The following SP3 variants were observed in gnomAD, a reference collection of about 807,000 sequenced individuals.
SP3 encodes transcription factor Sp3.
Under a neutral mutation model 70.3 loss-of-function variants are expected in SP3, and 10 were observed. The ratio of observed to expected loss-of-function variants is 0.14; its 90% CI spans 0.09 to 0.24. SP3 has a LOEUF of 0.24. Among genes scored for constraint, SP3 ranks in the 10% least tolerant of loss-of-function variants. The pLI, the probability that SP3 is intolerant of heterozygous loss-of-function variation, is 1.00. For missense variants in SP3, 825 were observed against 914.6 expected, an observed-to-expected ratio of 0.90 and a Z score of 1.26; for synonymous variants, 402 against 333.5, an observed-to-expected ratio of 1.21 and a Z score of -2.24.
At chr2:173,956,279 T>C (rs766667551) in intron 3 of SP3, 47 bp from the exon 4 acceptor site, 1 of 1,514,546 alleles carries the variant, frequency 6.6e-7, no homozygotes, top group African/African-American at 1.4e-5. Flanking sequence ...TATATTTAAA[T>C]CAACCCTCAA....
Position 173,905,646 on chromosome 2 carries a change from A to G in SP3, c.*4295T>C, listed in dbSNP as rs1450475563. Reference sequence around the variant, plus strand: ...TAAAAAATATATTCATATCATGAAGACTTTATAACATCAAATAAAAGCCAA... The same window carrying G: ...TAAAAAATATATTCATATCATGAAGGCTTTATAACATCAAATAAAAGCCAA... On this transcript the variant is annotated 3_prime_UTR_variant, in exon 7 of 7. Coordinates refer to ENST00000310015, the MANE Select transcript of SP3 (RefSeq NM_003111.5). 6.6e-6 allele frequency among the ~76,000 whole-genome samples: 1 copy of G among 152,136 alleles called. No individual in the cohort carries two copies. The highest frequency in any genetic ancestry group is 1.5e-5 in the Non-Finnish European group (1 of 68,014).
intron 4 of SP3, among the ~76,000 whole-genome samples, chr2:173,943,906 T>C (rs1690452752): frequency 6.6e-6 from 1 of 152,250 alleles, no homozygotes; most frequent in African/African-American, 2.4e-5. Context: ...ATCTAGGCTA[T>C]AGGTATAGTC....
intron 1 of SP3, chr2:173,964,793 G>A: frequency 2.3e-6 from 1 of 435,196 alleles, no homozygotes; most frequent in South Asian, 3.9e-5. Context: ...CCTCCTCCCC[G>A]CGCTGCCCCT....
chr2:173,964,507 C>T lies in SP3; in HGVS notation c.54G>A (p.Val18=). The part of the protein sequence containing the change: ...VKQEEMAALD[V]DSGGGGGGGG... Reference sequence around the variant, plus strand: ...CGCCGCCACCGCCGCCGCCGCTATCCACGTCCAAGGCAGCCATTTCCTCTT... The same window carrying T: ...CGCCGCCACCGCCGCCGCCGCTATCTACGTCCAAGGCAGCCATTTCCTCTT... The change falls in exon 2 of 7, where the codon GTG becomes GTA. Residue 18 remains valine, a synonymous_variant. Transcript: ENST00000310015. 1.4e-6 allele frequency: 1 copy of T among 706,538 alleles called. No individual in the cohort carries two copies. Among genetic ancestry groups the T allele is most frequent in the Non-Finnish European group, 2.6e-6 (1 of 381,440 alleles). The allele number at this position is 706,538 out of a possible 1,614,324, so 43.8% of individuals were successfully genotyped here.
intron 4 of SP3, among the ~76,000 whole-genome samples, chr2:173,927,800 A>T (rs1689959537): frequency 6.6e-6 from 1 of 152,226 alleles, no homozygotes; most frequent in African/African-American, 2.4e-5. Context: ...TCAGGGCATC[A>T]GTTATTTAAG....
chr2:173,947,120 G>C (rs1253896640), intron 4 of SP3, among the ~76,000 whole-genome samples: 1 of 152,154 alleles, frequency 6.6e-6, no homozygotes, highest in Non-Finnish European at 1.5e-5. Flanking sequence ...GTTCAAGTCA[G>C]AGATGAACTT....
chr2:173,951,677 T>C (rs1270380189), intron 4 of SP3, among the ~76,000 whole-genome samples: 1 of 152,184 alleles, frequency 6.6e-6, no homozygotes, highest in African/African-American at 2.4e-5. Flanking sequence ...TTTCAGCCAA[T>C]TGTGGGTTTT....
In SP3 at chr2:173,907,919, A is replaced by G. The variant is rs1348143808; in HGVS notation, c.*2022T>C. On this transcript the variant is annotated 3_prime_UTR_variant, in exon 7 of 7. Coordinates refer to ENST00000310015, the MANE Select transcript of SP3 (RefSeq NM_003111.5). ...AAACTGTCCATGTTTATGCGTGTCT[A>G]GAGTTCTCCAATGCAATCAGGTATT... is the stretch of plus-strand genomic sequence containing the variant. 1 of 152,146 alleles carries G rather than the reference A, an allele frequency of 6.6e-6. No individual in the cohort carries two copies. Among genetic ancestry groups the G allele is most frequent in the Non-Finnish European group, 1.5e-5 (1 of 67,978 alleles). 9.4% of individuals were successfully genotyped at this position (152,146 alleles called of 1,614,324 possible).
Position 173,955,469 on chromosome 2 carries a change from A to G in SP3, c.1043T>C (p.Ile348Thr). ...QLPVTIDSTG[I>T]LQQNTNSLTT... ...CAAGCTATTTGTGTTTTGTTGTAATATACCTGTACTATCTATCGTAACAGG... is the reference window on the plus strand; with the variant it reads ...CAAGCTATTTGTGTTTTGTTGTAATGTACCTGTACTATCTATCGTAACAGG... The change falls in exon 4 of 7, where the codon ATA becomes ACA. Residue 348 changes from isoleucine (I) to threonine (T), a missense_variant. Physicochemically the swap from Ile to Thr is moderately conservative, Grantham distance 89. Transcript: ENST00000310015. 1 of 1,614,176 alleles carries G rather than the reference A, an allele frequency of 6.2e-7. No individual in the cohort carries two copies. Among genetic ancestry groups the G allele is most frequent in the South Asian group, 1.1e-5 (1 of 91,074 alleles).
intron 4 of SP3, among the ~76,000 whole-genome samples, chr2:173,945,233 C>T (rs1429420469): frequency 6.6e-6 from 1 of 152,112 alleles, no homozygotes; most frequent in African/African-American, 2.4e-5. Flanking sequence ...TTAAAGGTCA[C>T]ACAATGCATT....
intron 4 of SP3, among the ~76,000 whole-genome samples, chr2:173,935,224 G>A (rs1355347921): frequency 6.6e-6 from 1 of 152,140 alleles, no homozygotes; most frequent in Non-Finnish European, 1.5e-5. Flanking sequence ...GAGACAGTGA[G>A]ACCCTGTTTC....
At position 173,923,145 on chromosome 2, in the gene SP3, TG is replaced by T. The variant is rs144337810; in HGVS notation, c.1640-4361del. 4.8e-3 allele frequency among the ~76,000 whole-genome samples: 729 copies of T among 152,268 alleles called. 3 individuals are homozygous for T. Among genetic ancestry groups the T allele is most frequent in the African/African-American group, 0.017 (698 of 41,502 alleles). On this transcript the variant is annotated intron_variant, in intron 4 of 6. Coordinates refer to ENST00000310015, the MANE Select transcript of SP3 (RefSeq NM_003111.5). ...CATTTAAGAACTTTATAAACAGCAC[TG>T]TTTTTTTATGTCTATTCTCCACCTC... is the stretch of plus-strand genomic sequence containing the variant.
rs544622385 is a variant in SP3 at position 173,936,270 on chromosome 2, T to C, written c.1640-17485A>G. Among the ~76,000 whole-genome samples the C allele has an allele frequency of 5.9e-5, 9 of 152,238 alleles. No homozygotes were observed. The East Asian group carries it at 1.2e-3, about 20-fold the overall frequency. On this transcript the variant is annotated intron_variant, in intron 4 of 6. Transcript: ENST00000310015. Reference sequence around the variant, plus strand: ...TTGACCTCAGGTGATCCACCTGCCTTGGCCTCCTAAAGTGCTGGGATTACA... The same window carrying C: ...TTGACCTCAGGTGATCCACCTGCCTCGGCCTCCTAAAGTGCTGGGATTACA...
At position 173,965,230 on chromosome 2, in the gene SP3, A is replaced by G. The variant is rs1388172982; in HGVS notation, c.-59T>C. The G allele has an allele frequency of 6.6e-7, 1 of 1,525,076 alleles. No individual in the cohort carries two copies. The highest frequency in any genetic ancestry group is 1.2e-5 in the South Asian group (1 of 82,720). The allele number at this position is 1,525,076 out of a possible 1,614,324, so 94.5% of individuals were successfully genotyped here. ...GCCGCCTTACACATGGTGAGGAGCG[A>G]AGGCGGCGGCGGCGGGAGAGGATGC... On this transcript the variant is annotated 5_prime_UTR_variant, in exon 1 of 7. Coordinates refer to ENST00000310015, the MANE Select transcript of SP3 (RefSeq NM_003111.5).
At chr2:173,945,740 G>A (rs991805737) in intron 4 of SP3, among the ~76,000 whole-genome samples, 2 of 152,018 alleles carry the variant, frequency 1.3e-5, no homozygotes, top group African/African-American at 4.8e-5. Flanking sequence ...AGGATCACGG[G>A]GACACCTCCC....
intron 4 of SP3, among the ~76,000 whole-genome samples, chr2:173,938,617 C>T (rs1218401302): frequency 6.6e-6 from 1 of 151,474 alleles, no homozygotes; most frequent in East Asian, 1.9e-4. Context: ...TAAGCAATGA[C>T]TGCCCAATCC....
At position 173,964,498 on chromosome 2, in the gene SP3, G is replaced by A. The variant is rs1241959074; in HGVS notation, c.63C>T (p.Gly21=). 4.7e-6 allele frequency: 3 copies of A among 637,208 alleles called. No homozygotes were observed. The highest frequency in any genetic ancestry group is 8.9e-6 in the Non-Finnish European group (3 of 337,698). 39.5% of individuals were successfully genotyped at this position (637,208 alleles called of 1,614,324 possible). The change falls in exon 2 of 7, where the codon GGC becomes GGT. Residue 21 remains glycine (G), a synonymous_variant. Coordinates refer to ENST00000310015, the MANE Select transcript of SP3 (RefSeq NM_003111.5). ...EEMAALDVDS[G]GGGGGGGGHG... ...GGCCGCCGCCGCCGCCACCGCCGCC[G>A]CCGCTATCCACGTCCAAGGCAGCCA...
At chr2:173,944,346 C>T (rs535043254) in intron 4 of SP3, among the ~76,000 whole-genome samples, 1 of 152,232 alleles carries the variant, frequency 6.6e-6, no homozygotes, top group South Asian at 2.1e-4. Flanking sequence ...CCACCCTGGG[C>T]AACATGGCAA....
At chr2:173,945,918 G>A (rs1690522264) in intron 4 of SP3, among the ~76,000 whole-genome samples, 1 of 152,076 alleles carries the variant, frequency 6.6e-6, no homozygotes, top group Non-Finnish European at 1.5e-5. Flanking sequence ...TTGAGGTCAG[G>A]AGTTCAAGAC....
Sources: allele counts gnomAD v4.1 joint callset (sites outside exome capture counted in the v4.1 genomes callset), GRCh38; gene constraint gnomAD v4.1.1; transcripts MANE v1.5; gene names NCBI Gene and HGNC (gene_info 2026-07-23, HGNC 2026-07-21).